ZMAT4: variants seen among roughly 807,000 people sequenced by gnomAD.
The protein encoded by ZMAT4 is zinc finger matrin-type 4, also known as zinc finger matrin-type protein 4.
Under a neutral mutation model 28.7 loss-of-function variants are expected in ZMAT4, and 17 were observed. That is an observed-to-expected ratio of 0.59 (90% CI 0.41 to 0.89). The LOEUF (loss-of-function observed/expected upper bound fraction) is 0.89, where lower values mean the gene tolerates loss of function less well. Ranked by LOEUF, ZMAT4 falls within the 40% of genes least tolerant of loss-of-function variation. The pLI is 0.00. For synonymous variants in ZMAT4, 117 were observed against 109.2 expected (o/e 1.07, Z -0.44); for missense variants, 240 against 283.8 (o/e 0.85, Z 1.11).
intron 5 of ZMAT4, among the ~76,000 whole-genome samples, chr8:40,590,990 T>C (rs1334249814): frequency 6.6e-6 from 1 of 152,176 alleles, no homozygotes; most frequent in East Asian, 1.9e-4. Flanking sequence ...GAAAACACTA[T>C]GAGGCTTCAC....
At chr8:40,543,524 TATGGA>T (rs553238037) in intron 6 of ZMAT4, among the ~76,000 whole-genome samples, 13 of 152,288 alleles carry the variant, frequency 8.5e-5, no homozygotes, top group Admixed American at 4.6e-4. Context: ...ACATCGAGGA[TATGGA>T]ATGGGACACA....
chr8:40,674,846 T>C lies in ZMAT4; in HGVS notation c.435A>G (p.Arg145=), dbSNP rs1267189580. The change falls in exon 5 of 7, where the codon AGA becomes AGG. Residue 145 remains arginine (R), a synonymous_variant. Transcript: ENST00000297737. ...ASPYQRRDSD[R]YCGLCAAWFN... is the part of the protein sequence containing the mutation. ...ACCAGGCTGCACAGAGCCCACAGTA[T>C]CTGTCTGAATCTCTTCTTTGATAGG... 6 of 1,613,706 alleles carry C rather than the reference T, an allele frequency of 3.7e-6. No individual in the cohort carries two copies. The highest frequency in any genetic ancestry group is 5.1e-6 in the Non-Finnish European group (6 of 1,179,908).
At chr8:40,653,485 A>T (rs1283694838) in intron 5 of ZMAT4, among the ~76,000 whole-genome samples, 1 of 152,140 alleles carries the variant, frequency 6.6e-6, no homozygotes, top group Non-Finnish European at 1.5e-5. Context: ...TTATTTGAAA[A>T]GATCAACAAA....
intron 4 of ZMAT4, among the ~76,000 whole-genome samples, chr8:40,675,880 A>T (rs1040866388): frequency 7.9e-5 from 12 of 152,224 alleles, no homozygotes; most frequent in African/African-American, 2.7e-4. Context: ...AGGTGTACTT[A>T]TCTAAACAGA....
chr8:40,875,193 G>A (rs1817996885), intron 1 of ZMAT4, among the ~76,000 whole-genome samples: 1 of 152,128 alleles, frequency 6.6e-6, no homozygotes, highest in Non-Finnish European at 1.5e-5. Context: ...GCTTCCTCCT[G>A]GGCAAACATA....
At chr8:40,731,708 C>T (rs992794965) in intron 3 of ZMAT4, among the ~76,000 whole-genome samples, 48 of 151,942 alleles carry the variant, frequency 3.2e-4, no homozygotes, top group African/African-American at 1.0e-3. Flanking sequence ...AGGGAAGACA[C>T]GGAAAAAGTC....
intron 3 of ZMAT4, among the ~76,000 whole-genome samples, chr8:40,707,975 C>T (rs1027169194): frequency 2.6e-5 from 4 of 152,132 alleles, no homozygotes; most frequent in East Asian, 1.9e-4. Flanking sequence ...GCAGTGGTAT[C>T]GTTTTTTTAA....
intron 5 of ZMAT4, among the ~76,000 whole-genome samples, chr8:40,592,872 T>C (rs532940346): frequency 6.6e-6 from 1 of 152,346 alleles, no homozygotes; most frequent in Admixed American, 6.5e-5. Flanking sequence ...ACGTGGTCAC[T>C]ATGGCAAACT....
chr8:40,559,703 A>T (rs1803668053), intron 6 of ZMAT4, among the ~76,000 whole-genome samples: 1 of 152,122 alleles, frequency 6.6e-6, no homozygotes, highest in Admixed American at 6.6e-5. Context: ...AGAGTTGTAG[A>T]TATAGAACTG....
chr8:40,713,736 C>T (rs540669720), intron 3 of ZMAT4, among the ~76,000 whole-genome samples: 29 of 151,572 alleles, frequency 1.9e-4, no homozygotes, highest in East Asian at 1.7e-3. Context: ...TGGTGAAACC[C>T]GGCGTCTACT....
intron 4 of ZMAT4, among the ~76,000 whole-genome samples, chr8:40,692,421 T>C (rs2150489639): frequency 6.6e-6 from 1 of 152,332 alleles, no homozygotes; most frequent in African/African-American, 2.4e-5. Flanking sequence ...ACTGAAACAA[T>C]AACTTTAAGG....
At chr8:40,644,711 C>T (rs1270175907) in intron 5 of ZMAT4, among the ~76,000 whole-genome samples, 1 of 152,040 alleles carries the variant, frequency 6.6e-6, no homozygotes, top group Non-Finnish European at 1.5e-5. Context: ...GAATTCCTTC[C>T]AAAGAGTACA....
chr8:40,812,941 AAATTAAATT>A (rs780631984), intron 2 of ZMAT4, among the ~76,000 whole-genome samples: 60,702 of 110,370 alleles, frequency 0.55, 13,682 homozygotes, highest in Middle Eastern at 0.69. Context: ...CTCAAAAATT[AAATTAAATT>A]AAATTAAATT....
intron 5 of ZMAT4, among the ~76,000 whole-genome samples, chr8:40,627,160 A>G (rs1294174048): frequency 6.6e-6 from 1 of 152,194 alleles, no homozygotes; most frequent in Non-Finnish European, 1.5e-5. Flanking sequence ...GGATATTTGA[A>G]GTCAGTTTGT....
intron 2 of ZMAT4, among the ~76,000 whole-genome samples, chr8:40,774,906 A>G (rs1681647558): frequency 6.6e-6 from 1 of 152,220 alleles, no homozygotes; most frequent in African/African-American, 2.4e-5. Flanking sequence ...TCCAATAATC[A>G]GATGGAAAAA....
chr8:40,782,935 G>C (rs1813898306), intron 2 of ZMAT4, among the ~76,000 whole-genome samples: 1 of 152,222 alleles, frequency 6.6e-6, no homozygotes, highest in African/African-American at 2.4e-5. Flanking sequence ...CCAAGGAAGT[G>C]GAGAAATTGA....
intron 3 of ZMAT4, among the ~76,000 whole-genome samples, chr8:40,736,807 G>A (rs1481573438): frequency 2.4e-5 from 1 of 41,122 alleles, no homozygotes; most frequent in Non-Finnish European, 6.1e-5. Context: ...AGTGAGGGAC[G>A]GGTGGAAGAA....
chr8:40,758,772 T>C (rs945433288), intron 3 of ZMAT4, among the ~76,000 whole-genome samples: 2 of 152,156 alleles, frequency 1.3e-5, no homozygotes, highest in African/African-American at 4.8e-5. Context: ...CTCCCTAGCA[T>C]AAGCGTGCAG....
At chr8:40,537,037 C>G (rs1385383415) in intron 6 of ZMAT4, among the ~76,000 whole-genome samples, 1 of 152,104 alleles carries the variant, frequency 6.6e-6, no homozygotes, top group Non-Finnish European at 1.5e-5. Flanking sequence ...ATACAGTCAT[C>G]TAGACAAATA....
Sources: allele counts gnomAD v4.1 joint callset (sites outside exome capture counted in the v4.1 genomes callset), GRCh38; gene constraint gnomAD v4.1.1; transcripts MANE v1.5; gene names NCBI Gene and HGNC (gene_info 2026-07-23, HGNC 2026-07-21).